FAM20A: variants seen among roughly 807,000 people sequenced by gnomAD.
FAM20A encodes the protein FAM20A golgi associated secretory pathway pseudokinase, also known as pseudokinase FAM20A.
In FAM20A, 42 loss-of-function variants were observed where a neutral mutation model predicts 52.0. That is an observed-to-expected ratio of 0.81 (90% CI 0.63 to 1.04). The LOEUF (loss-of-function observed/expected upper bound fraction) is 1.04. Ranked by LOEUF, FAM20A falls within the 50% of genes least tolerant of loss-of-function variation. FAM20A has a pLI of 0.00. For missense variants in FAM20A, 742 were observed against 712.7 expected, an observed-to-expected ratio of 1.04 and a Z score of -0.47; for synonymous variants, 304 against 298.9, an observed-to-expected ratio of 1.02 and a Z score of -0.18.
At chr17:68,542,259 A>T (rs764112661) in intron 6 of FAM20A, 94 bp from the exon 7 acceptor site, 274 of 1,348,942 alleles carry the variant, frequency 2.0e-4, no homozygotes, top group Non-Finnish European at 2.7e-4. Context: ...GGGAAGGGAA[A>T]CCCTGAACTC....
intron 1 of FAM20A, among the ~76,000 whole-genome samples, chr17:68,584,721 G>A (rs907571560): frequency 6.6e-6 from 1 of 152,184 alleles, no homozygotes; most frequent in Non-Finnish European, 1.5e-5. Flanking sequence ...CAAATAAAAT[G>A]GCTTTAATAT....
chr17:68,558,703 C>G (rs530071895), intron 1 of FAM20A, among the ~76,000 whole-genome samples: 1 of 152,118 alleles, frequency 6.6e-6, no homozygotes, highest in African/African-American at 2.4e-5. Context: ...AATTACCCAG[C>G]TTCAGGTATT....
At chr17:68,591,743 G>C (rs1403428568) in intron 1 of FAM20A, 1 of 51,780 alleles carries the variant, frequency 1.9e-5, no homozygotes, top group African/African-American at 7.3e-5. Flanking sequence ...CTGGGAGGAT[G>C]GGGGTGGAGC....
At chr17:68,571,579 C>T (rs1335524442) in intron 1 of FAM20A, among the ~76,000 whole-genome samples, 6 of 152,144 alleles carry the variant, frequency 3.9e-5, no homozygotes, top group Admixed American at 6.5e-5. Flanking sequence ...CTATAGCACT[C>T]GGCTTTTAAA....
chr17:68,600,160 C>A lies in FAM20A; in HGVS notation c.404+103G>T. On this transcript the variant is annotated intron_variant, in intron 1 of 10. Coordinates refer to ENST00000592554, the MANE Select transcript of FAM20A (RefSeq NM_017565.4). This position sits in a 1 kb window ranked among gnomAD's most constrained non-coding sequence, Gnocchi z 6.2. ...GCCAGGGCTGGAGCCGTGGGTGGAGCCGCTGCAGCCCTGGGCCGGGGGCGT... is the reference window on the plus strand; with the variant it reads ...GCCAGGGCTGGAGCCGTGGGTGGAGACGCTGCAGCCCTGGGCCGGGGGCGT... The A allele has an allele frequency of 7.4e-7, 1 of 1,356,214 alleles. No homozygotes were observed. The highest frequency in any genetic ancestry group is 9.9e-7 in the Non-Finnish European group (1 of 1,012,082). The allele number at this position is 1,356,214 out of a possible 1,614,324, so 84.0% of individuals were successfully genotyped here. A position where few individuals can be genotyped will look rare whatever the true frequency, so the allele number is the denominator to read the frequency against.
intron 1 of FAM20A, among the ~76,000 whole-genome samples, chr17:68,599,402 G>C (rs982970516): frequency 2.3e-4 from 35 of 152,194 alleles, no homozygotes; most frequent in African/African-American, 8.4e-4. Context: ...TCAGTAATGA[G>C]CGTGCTGCCT....
At chr17:68,583,305 G>A (rs1169222417) in intron 1 of FAM20A, among the ~76,000 whole-genome samples, 1 of 152,094 alleles carries the variant, frequency 6.6e-6, no homozygotes. Flanking sequence ...CCTTCTCTCA[G>A]TTCTGGAGTC....
intron 1 of FAM20A, among the ~76,000 whole-genome samples, chr17:68,588,740 A>G (rs975456532): frequency 2.6e-5 from 4 of 152,224 alleles, no homozygotes; most frequent in African/African-American, 9.6e-5. Flanking sequence ...TATCTCTTAA[A>G]AGGCCCTGTC....
In FAM20A at chr17:68,600,709, TCCGGGGTC is replaced by T. The variant is rs2088601394; in HGVS notation, c.-51_-44del. On this transcript the variant is annotated 5_prime_UTR_variant, in exon 1 of 11. Coordinates refer to ENST00000592554, the MANE Select transcript of FAM20A (RefSeq NM_017565.4). This position sits in a 1 kb window ranked among gnomAD's most constrained non-coding sequence, Gnocchi z 6.2. ...GGACGCCGGGGGCAGGCCGGCTGTC[TCCGGGGTC>T]CCGGGAGGGGTCGCGGGGTGCGGGC... The T allele has an allele frequency of 6.6e-7, 1 of 1,522,840 alleles. No homozygotes were observed. Among genetic ancestry groups the T allele is most frequent in the Middle Eastern group, 2.3e-4 (1 of 4,330 alleles). 94.3% of individuals were successfully genotyped at this position (1,522,840 alleles called of 1,614,324 possible). A position where few individuals can be genotyped will look rare whatever the true frequency, so the allele number is the denominator to read the frequency against.
chr17:68,600,347 G>A lies in FAM20A; in HGVS notation c.320C>T (p.Pro107Leu), dbSNP rs938214022. ...CGAGTCCTCGGCTCCCAGGAGAGGCGGCTCCTCCGGGACGTTGTACAGCGG... is the reference window on the plus strand; with the variant it reads ...CGAGTCCTCGGCTCCCAGGAGAGGCAGCTCCTCCGGGACGTTGTACAGCGG... ...AHPLYNVPEEPPLLGAEDSLL... is the reference protein window; with the variant it reads ...AHPLYNVPEELPLLGAEDSLL... The change falls in exon 1 of 11, where the codon CCG (proline) becomes CTG (leucine). Residue 107 changes from proline to leucine, a missense_variant. By Grantham distance (98) the Pro-to-Leu change is moderately conservative (BLOSUM62 -3). Transcript: ENST00000592554. This position sits in a 1 kb window ranked among gnomAD's most constrained non-coding sequence, Gnocchi z 6.2. 4 of 1,598,076 alleles carry A rather than the reference G, an allele frequency of 2.5e-6. No individual in the cohort carries two copies. The highest frequency in any genetic ancestry group is 1.1e-5 in the South Asian group (1 of 88,392).
chr17:68,549,369 C>G (rs1177431681), intron 4 of FAM20A, among the ~76,000 whole-genome samples: 1 of 151,990 alleles, frequency 6.6e-6, no homozygotes, highest in African/African-American at 2.4e-5. Context: ...TGGTACACAT[C>G]TATAATCCCA....
At chr17:68,557,686 C>T (rs1224036477) in intron 1 of FAM20A, 3 of 152,234 alleles carry the variant, frequency 2.0e-5, no homozygotes, top group Non-Finnish European at 4.4e-5. Context: ...TTCACCATTT[C>T]TCTCCTATTT....
chr17:68,579,222 C>T (rs1184841625), intron 1 of FAM20A, among the ~76,000 whole-genome samples: 1 of 152,000 alleles, frequency 6.6e-6, no homozygotes, highest in Admixed American at 6.6e-5. Flanking sequence ...TAGGTGTGTG[C>T]AGAGAAAGAC....
chr17:68,543,033 C>T (rs1014672928), intron 5 of FAM20A, among the ~76,000 whole-genome samples: 3 of 152,098 alleles, frequency 2.0e-5, no homozygotes, highest in African/African-American at 7.2e-5. Flanking sequence ...ATCCTTATTC[C>T]GTCAAGCCTC....
At chr17:68,575,255 T>C (rs2087694144) in intron 1 of FAM20A, 1 of 150,680 alleles carries the variant, frequency 6.6e-6, no homozygotes, top group African/African-American at 2.4e-5. Context: ...CTTTTACAAA[T>C]ATACAAGCAG....
chr17:68,563,532 C>G (rs1394810761), intron 1 of FAM20A, among the ~76,000 whole-genome samples: 1 of 151,904 alleles, frequency 6.6e-6, no homozygotes, highest in Non-Finnish European at 1.5e-5. Context: ...GATGTCCATG[C>G]AAGACTCTGA....
rs775704343 is a variant in FAM20A, at chr17:68,539,902, G to A, written c.1284C>T (p.His428=). ...TKFGDDGFLI[H]LDNARGFGRH... Reference sequence around the variant, plus strand: ...AAGCTCACCCTCTGGCGTTGTCAAGGTGAATAAGGAACCCATCATCCCCGA... The same window carrying A: ...AAGCTCACCCTCTGGCGTTGTCAAGATGAATAAGGAACCCATCATCCCCGA... Residue 428 remains histidine, a synonymous_variant, in exon 9 of 11, where the codon CAC becomes CAT. Coordinates refer to ENST00000592554, the MANE Select transcript of FAM20A (RefSeq NM_017565.4). 16 of 1,614,170 alleles carry A rather than the reference G, an allele frequency of 9.9e-6. No individual in the cohort carries two copies. The highest frequency in any genetic ancestry group is 1.4e-5 in the Non-Finnish European group (16 of 1,180,014).
chr17:68,555,785 C>G (rs753499197), intron 1 of FAM20A, 42 bp from the exon 2 acceptor site: 1 of 1,605,112 alleles, frequency 6.2e-7, no homozygotes, highest in South Asian at 1.1e-5. Context: ...AACAAGAATG[C>G]AAAGACCCAC....
chr17:68,581,357 T>C (rs559989731), intron 1 of FAM20A, among the ~76,000 whole-genome samples: 1 of 112,344 alleles, frequency 8.9e-6, no homozygotes, highest in Admixed American at 8.9e-5. Context: ...AGTTTTTCTT[T>C]CTTTCTTTCT....
Sources: gnomAD v4.1 joint callset for allele counts (sites outside exome capture counted in the v4.1 genomes callset) on GRCh38, gnomAD v4.1.1 for gene constraint, Gnocchi (gnomAD v3.1) non-coding constraint, MANE v1.5 for transcripts, NCBI Gene and HGNC (gene_info 2026-07-23, HGNC 2026-07-21) for gene names.